Variants in KNTC1 observed in about 807,000 individuals in gnomAD.
KNTC1 encodes kinetochore associated 1, also known as kinetochore-associated protein 1.
Under a neutral mutation model 314.4 loss-of-function variants are expected in KNTC1, and 253 were observed. The observed-to-expected ratio is 0.80, with a 90% CI of 0.73 to 0.89. The LOEUF is 0.89. Ranked by LOEUF, KNTC1 falls within the 40% of genes least tolerant of loss-of-function variation. KNTC1 has a pLI of 0.00. For missense variants in KNTC1, 2,475 were observed against 2,572.9 expected, an observed-to-expected ratio of 0.96 and a Z score of 0.82; for synonymous variants, 901 against 901.4, an observed-to-expected ratio of 1.00 and a Z score of 0.01.
intron 20 of KNTC1, among the ~76,000 whole-genome samples, chr12:122,562,933 C>T (rs866404764): frequency 1.3e-5 from 2 of 151,548 alleles, no homozygotes; most frequent in African/African-American, 4.8e-5. Context: ...CACTTGAACC[C>T]GGGAGGCAGA....
intron 54 of KNTC1, 182 bp downstream of exon 54, chr12:122,613,412 C>T: frequency 1.5e-6 from 1 of 652,790 alleles, no homozygotes; most frequent in South Asian, 2.2e-5. Context: ...CATCTTGTTT[C>T]CATCGTTTCT....
At chr12:122,585,105 A>AAGG in intron 36 of KNTC1, 115 bp downstream of exon 36, 1 of 647,026 alleles carries the variant, frequency 1.5e-6, no homozygotes, top group Non-Finnish European at 2.7e-6. Context: ...TGGCATGATC[A>AAGG]AGGCTTACTG....
At chr12:122,579,123 G>A (rs1965226892) in intron 31 of KNTC1, among the ~76,000 whole-genome samples, 1 of 120,138 alleles carries the variant, frequency 8.3e-6, no homozygotes, top group African/African-American at 3.1e-5. Context: ...GGAGTGCAGT[G>A]GCGGGATCTC....
chr12:122,570,683 G>GT (rs1212058137), intron 22 of KNTC1, among the ~76,000 whole-genome samples, 193 bp from the exon 23 acceptor site: 2 of 152,024 alleles, frequency 1.3e-5, no homozygotes, highest in African/African-American at 4.8e-5. Context: ...TTGCTTGCCT[G>GT]TATCAATGCA....
At chr12:122,604,719 T>G in intron 49 of KNTC1, 82 bp downstream of exon 49, 1 of 1,244,948 alleles carries the variant, frequency 8.0e-7, no homozygotes, top group Non-Finnish European at 1.2e-6. Context: ...CATGCTGCCC[T>G]GGTGCCTAAA....
chr12:122,551,264 A>G lies in KNTC1; in HGVS notation c.1087-55A>G, dbSNP rs371964972. The G allele has an allele frequency of 2.1e-4, 240 of 1,165,020 alleles. No individual in the cohort carries two copies. In the Middle Eastern group the frequency reaches 2.2e-3, roughly 11 times the overall value. The allele number at this position is 1,165,020 out of a possible 1,614,324, so 72.2% of individuals were successfully genotyped here. On this transcript the variant is annotated intron_variant, in intron 13 of 63. Transcript: ENST00000333479. ...TGAACCAGTAGTTACTCTAGTAATTATAAAATGCATTGCTCTTATATTGGA... is the reference window on the plus strand; with the variant it reads ...TGAACCAGTAGTTACTCTAGTAATTGTAAAATGCATTGCTCTTATATTGGA...
At chr12:122,611,991 G>T (rs1252285438) in intron 53 of KNTC1, among the ~76,000 whole-genome samples, 1 of 151,806 alleles carries the variant, frequency 6.6e-6, no homozygotes, top group East Asian at 1.9e-4. Flanking sequence ...GGAAATGGGG[G>T]CTGACTGTGG....
chr12:122,591,739 C>T (rs1474617999), intron 42 of KNTC1, among the ~76,000 whole-genome samples: 3 of 152,104 alleles, frequency 2.0e-5, no homozygotes, highest in African/African-American at 7.2e-5. Context: ...TATGCTATTT[C>T]AGGCCTAGCC....
rs778336279 is a variant in KNTC1, at chr12:122,568,371, G to A, written c.1715G>A (p.Arg572Gln). Residue 572 changes from arginine (R) to glutamine (Q), a missense_variant and splice_region_variant, in exon 21 of 64, where the codon CGG becomes CAG. Coordinates refer to ENST00000333479, the MANE Select transcript of KNTC1 (RefSeq NM_014708.6). ...GCACAGTATCTTTGGCTTCGACATCGGGTAACATGTTTTACATTTTTTCCT... is the reference window on the plus strand; with the variant it reads ...GCACAGTATCTTTGGCTTCGACATCAGGTAACATGTTTTACATTTTTTCCT... Reference protein sequence around the residue: ...VCAQYLWLRHRANFESRFDVK... With the variant: ...VCAQYLWLRHQANFESRFDVK... 2.1e-5 allele frequency: 33 copies of A among 1,546,852 alleles called. No homozygotes were observed. Among genetic ancestry groups the A allele is most frequent in the African/African-American group, 4.1e-5 (3 of 73,434 alleles).
chr12:122,596,068 G>A (rs1331077879), intron 43 of KNTC1, among the ~76,000 whole-genome samples: 2 of 146,758 alleles, frequency 1.4e-5, no homozygotes, highest in East Asian at 4.1e-4. Context: ...TTTGTCTATA[G>A]TAACCAGATT....
rs1425506227 is a variant in KNTC1 at position 122,590,599 on chromosome 12, T to C, written c.4000-8T>C. 6.2e-7 allele frequency: 1 copy of C among 1,608,580 alleles called. No homozygotes were observed. Among genetic ancestry groups the C allele is most frequent in the African/African-American group, 1.3e-5 (1 of 74,860 alleles). ...GAATTTGCTTCTTTTGCTGGTTTCTTCCTGTAGGTATTTAATTGTCGCTTG... is the reference window on the plus strand; with the variant it reads ...GAATTTGCTTCTTTTGCTGGTTTCTCCCTGTAGGTATTTAATTGTCGCTTG... On this transcript the variant is annotated splice_region_variant and splice_polypyrimidine_tract_variant and intron_variant, in intron 40 of 63. Transcript: ENST00000333479.
rs762442542 is a variant in KNTC1, at chr12:122,576,908, A to G, written c.2600A>G (p.Tyr867Cys). Residue 867 changes from tyrosine to cysteine, a missense_variant, in exon 30 of 64, where the codon TAC (tyrosine) becomes TGC (cysteine). By Grantham distance (194) the Tyr-to-Cys change is radical (BLOSUM62 -2). Transcript: ENST00000333479. ...TGTCTTTTGCAGAGAGTGGTTAGAT[A>G]CATTCTCAAACAAGATGTCCCATCT... ...LNKEIMRVVR[Y>C]ILKQDVPSSL... 6.3e-7 allele frequency: 1 copy of G among 1,585,850 alleles called. No individual in the cohort carries two copies.
chr12:122,564,476 A>G (rs1382137057), intron 20 of KNTC1, among the ~76,000 whole-genome samples: 1 of 152,136 alleles, frequency 6.6e-6, no homozygotes, highest in Non-Finnish European at 1.5e-5. Context: ...AAAGGGTCCT[A>G]AAACATATAA....
At position 122,557,458 on chromosome 12, in the gene KNTC1, C is replaced by T. The variant is rs143555331; in HGVS notation, c.1347C>T (p.Thr449=). Residue 449 remains threonine (T), a synonymous_variant, in exon 17 of 64, where the codon ACC becomes ACT. Transcript: ENST00000333479. ...GTTCTGTGGATGCCAGTGAACAGACCGAATGGCAACAACTTGTAGACGACG... is the reference window on the plus strand; with the variant it reads ...GTTCTGTGGATGCCAGTGAACAGACTGAATGGCAACAACTTGTAGACGACG... The part of the protein sequence containing the change: ...ALSSVDASEQ[T]EWQQLVDDAK... The T allele has an allele frequency of 3.8e-4, 610 of 1,613,560 alleles. 4 individuals carry two copies. The African/African-American group carries it at 7.0e-3, about 19-fold the overall frequency.
chr12:122,531,210 A>T (rs1251724015), intron 2 of KNTC1, among the ~76,000 whole-genome samples: 3 of 151,870 alleles, frequency 2.0e-5, no homozygotes, highest in African/African-American at 7.3e-5. Context: ...ATCATTCTTT[A>T]TGCAGCTTTA....
intron 4 of KNTC1, 76 bp downstream of exon 4, chr12:122,538,530 C>A: frequency 1.2e-6 from 1 of 804,690 alleles, no homozygotes; most frequent in Non-Finnish European, 1.9e-6. Flanking sequence ...CTCTAGCAAA[C>A]TATTACTTAA....
At chr12:122,550,324 A>T (rs972894191) in intron 13 of KNTC1, among the ~76,000 whole-genome samples, 11 of 152,306 alleles carry the variant, frequency 7.2e-5, no homozygotes, top group Admixed American at 5.2e-4. Context: ...TCCTAAAAAT[A>T]AGGGCATTCT....
At chr12:122,607,584 T>G (rs1005825226) in intron 51 of KNTC1, among the ~76,000 whole-genome samples, 1 of 152,202 alleles carries the variant, frequency 6.6e-6, no homozygotes, top group African/African-American at 2.4e-5. Context: ...GCACATGAGG[T>G]CCCTTTGCCC....
At chr12:122,585,539 T>A in intron 36 of KNTC1, 97 bp from the exon 37 acceptor site, 3 of 1,348,188 alleles carry the variant, frequency 2.2e-6, no homozygotes, top group Non-Finnish European at 3.1e-6. Flanking sequence ...TGTTAGAGTT[T>A]AACTTAAAAT....
Sources: gnomAD v4.1 joint callset for allele counts (sites outside exome capture counted in the v4.1 genomes callset) on GRCh38, gnomAD v4.1.1 for gene constraint, MANE v1.5 for transcripts, NCBI Gene and HGNC (gene_info 2026-07-23, HGNC 2026-07-21) for gene names.